Variants in TMEM50A observed in about 807,000 individuals in gnomAD.
TMEM50A encodes transmembrane protein 50A, also known as cervical cancer oncogene 9.
TMEM50A carries 8 observed loss-of-function variants against 23.9 expected under a neutral mutation model. The observed-to-expected ratio is 0.33, with a 90% CI of 0.20 to 0.60. The LOEUF (loss-of-function observed/expected upper bound fraction) is 0.60. Ranked by LOEUF, TMEM50A falls within the 20% of genes least tolerant of loss-of-function variation. TMEM50A has a pLI of 0.81. For synonymous variants in TMEM50A, 55 were observed against 60.4 expected (o/e 0.91, Z 0.41); for missense variants, 178 against 192.7 (o/e 0.92, Z 0.45).
chr1:25,356,874 TTA>T, intron 6 of TMEM50A, 21 bp downstream of exon 6: 2 of 1,550,278 alleles, frequency 1.3e-6, no homozygotes, highest in Non-Finnish European at 1.7e-6. Flanking sequence ...TTTGCATTCT[TTA>T]TGTTTGTTTG....
Position 25,361,704 on chromosome 1 carries a change from T to G in TMEM50A, c.*999T>G, listed in dbSNP as rs997391315. 6.6e-6 allele frequency: 1 copy of G among 152,438 alleles called. No homozygotes were observed. The highest frequency in any genetic ancestry group is 1.5e-5 in the Non-Finnish European group (1 of 68,232). 9.4% of individuals were successfully genotyped at this position (152,438 alleles called of 1,614,324 possible). On this transcript the variant is annotated 3_prime_UTR_variant, in exon 7 of 7. Transcript: ENST00000374358. ...TGTCTTTCATAAAATGTGCTACAAT[T>G]AGCCTTCGGAATATTTGCTGGGTGA...
intron 3 of TMEM50A, among the ~76,000 whole-genome samples, chr1:25,347,006 G>A (rs1027161702): frequency 1.3e-5 from 2 of 152,200 alleles, no homozygotes; most frequent in African/African-American, 4.8e-5. Context: ...GAGACAGAGT[G>A]AGACTCTGTC....
Position 25,362,229 on chromosome 1 carries a change from A to G in TMEM50A, c.*1524A>G, listed in dbSNP as rs975449122. ...TAGCATGCTTTATTAAGCATGAGAA[A>G]GAATCTTAAGAATTGTCAATAAAAT... is the stretch of plus-strand genomic sequence containing the variant. On this transcript the variant is annotated 3_prime_UTR_variant, in exon 7 of 7. Coordinates refer to ENST00000374358, the MANE Select transcript of TMEM50A (RefSeq NM_014313.4). 1.7e-6 allele frequency: 1 copy of G among 579,080 alleles called. No homozygotes were observed. Among genetic ancestry groups the G allele is most frequent in the South Asian group, 2.1e-5 (1 of 47,326 alleles). 35.9% of individuals were successfully genotyped at this position (579,080 alleles called of 1,614,324 possible).
rs192532656 is a variant in TMEM50A at position 25,359,636 on chromosome 1, C to T, written c.429-1024C>T. Among the ~76,000 whole-genome samples the T allele has an allele frequency of 4.0e-4, 61 of 152,318 alleles. No homozygotes were observed. In the East Asian group the frequency reaches 0.011, roughly 27 times the overall value. On this transcript the variant is annotated intron_variant, in intron 6 of 6. Coordinates refer to ENST00000374358, the MANE Select transcript of TMEM50A (RefSeq NM_014313.4). ...GCTTTGTGGGTTGGACAAGCTTGCC[C>T]TGGACTGTAAGCTCTGTGAGGGCAA...
chr1:25,356,911 A>G, intron 6 of TMEM50A, 58 bp downstream of exon 6: 1 of 1,303,430 alleles, frequency 7.7e-7, no homozygotes, highest in Non-Finnish European at 1.1e-6. Context: ...AGCTTCTTTT[A>G]TATCATTTTC....
intron 1 of TMEM50A, among the ~76,000 whole-genome samples, chr1:25,340,091 C>T (rs1645151833): frequency 6.6e-6 from 1 of 152,116 alleles, no homozygotes; most frequent in Admixed American, 6.6e-5. Context: ...CATGCGCCAC[C>T]ACCCCCGGCT....
chr1:25,352,753 A>G (rs1397964732), intron 4 of TMEM50A, 129 bp from the exon 5 acceptor site: 2 of 726,294 alleles, frequency 2.8e-6, no homozygotes, highest in Non-Finnish European at 4.5e-6. Flanking sequence ...CACATCCTTT[A>G]CTGTTCTCAC....
At chr1:25,351,741 G>T in intron 4 of TMEM50A, 48 bp downstream of exon 4, 1 of 1,531,806 alleles carries the variant, frequency 6.5e-7, no homozygotes, top group Non-Finnish European at 8.9e-7. Flanking sequence ...AAATCCTTAA[G>T]ATGAGTATTT....
chr1:25,338,780 C>T (rs560281401), intron 1 of TMEM50A: 3 of 152,138 alleles, frequency 2.0e-5, no homozygotes, highest in African/African-American at 7.2e-5. Context: ...GGAGCGTGAC[C>T]CGGCCAGCTC....
intron 5 of TMEM50A, 96 bp from the exon 6 acceptor site, chr1:25,356,697 C>T: frequency 1.1e-6 from 1 of 899,094 alleles, no homozygotes; most frequent in East Asian, 2.6e-5. Flanking sequence ...TAAGAAAAAT[C>T]AATTCTTCTA....
intron 4 of TMEM50A, 39 bp downstream of exon 4, chr1:25,351,732 A>C (rs1408343190): frequency 1.3e-6 from 2 of 1,554,606 alleles, no homozygotes; most frequent in Admixed American, 3.8e-5. Context: ...TACATGCTTA[A>C]ATCCTTAAGA....
chr1:25,352,786 A>G (rs1479474681), intron 4 of TMEM50A, 96 bp from the exon 5 acceptor site: 1 of 1,013,306 alleles, frequency 9.9e-7, no homozygotes, highest in Non-Finnish European at 1.5e-6. Context: ...TGGCAGTTGC[A>G]CTTTTTTTTT....
chr1:25,342,950 C>G lies in TMEM50A; in HGVS notation c.94-11C>G. 2 of 1,607,156 alleles carry G rather than the reference C, an allele frequency of 1.2e-6. No individual in the cohort carries two copies. The highest frequency in any genetic ancestry group is 1.7e-6 in the Non-Finnish European group (2 of 1,176,494). ...TGCTATGATTTCTCATTGGTATCAC[C>G]TTTGTTTTAGTTTTTTACAGGCTGG... On this transcript the variant is annotated splice_polypyrimidine_tract_variant and intron_variant, in intron 2 of 6. Coordinates refer to ENST00000374358, the MANE Select transcript of TMEM50A (RefSeq NM_014313.4).
chr1:25,351,992 T>A (rs940723982), intron 4 of TMEM50A, among the ~76,000 whole-genome samples: 2 of 152,226 alleles, frequency 1.3e-5, no homozygotes, highest in African/African-American at 4.8e-5. Flanking sequence ...CAAATCTTCA[T>A]AAACATGTTA....
At position 25,340,554 on chromosome 1, in the gene TMEM50A, T is replaced by C. The variant is rs757543587; in HGVS notation, c.68T>C (p.Ile23Thr). 1.2e-5 allele frequency: 19 copies of C among 1,613,404 alleles called. No individual in the cohort carries two copies. The highest frequency in any genetic ancestry group is 1.7e-5 in the Admixed American group (1 of 59,910). ...CIDWGEKRNT[I>T]ASIAAGVLFF... ...GACTGGGGGGAAAAGCGCAATACTA[T>C]TGCTTCCATTGCTGCTGGTGTACTA... The change falls in exon 2 of 7, where the codon ATT becomes ACT. Residue 23 changes from isoleucine (I) to threonine (T), a missense_variant. Physicochemically the swap from Ile to Thr is moderately conservative, Grantham distance 89 (BLOSUM62 -1). Coordinates refer to ENST00000374358, the MANE Select transcript of TMEM50A (RefSeq NM_014313.4).
At chr1:25,359,773 C>T (rs1242189536) in intron 6 of TMEM50A, among the ~76,000 whole-genome samples, 2 of 152,116 alleles carry the variant, frequency 1.3e-5, no homozygotes, top group East Asian at 1.9e-4. Context: ...TTCATCATCC[C>T]GCTAGGTCTT....
At chr1:25,357,560 TGTTGTG>T (rs1436364693) in intron 6 of TMEM50A, among the ~76,000 whole-genome samples, 1 of 146,262 alleles carries the variant, frequency 6.8e-6, no homozygotes, top group Non-Finnish European at 1.5e-5. Context: ...TGTGTGTGTG[TGTTGTG>T]TGTGTGTGTG....
chr1:25,358,672 A>G (rs1280972706), intron 6 of TMEM50A, among the ~76,000 whole-genome samples: 1 of 152,240 alleles, frequency 6.6e-6, no homozygotes, highest in African/African-American at 2.4e-5. Flanking sequence ...TCCTGTAAGC[A>G]GATTGAACCC....
At chr1:25,354,329 A>G (rs183951531) in intron 5 of TMEM50A, among the ~76,000 whole-genome samples, 58 of 152,302 alleles carry the variant, frequency 3.8e-4, no homozygotes, top group African/African-American at 1.3e-3. Context: ...CCAAAATTGT[A>G]GAAAATAAAA....
Sources: gnomAD v4.1 joint callset for allele counts (sites outside exome capture counted in the v4.1 genomes callset) on GRCh38, gnomAD v4.1.1 for gene constraint, MANE v1.5 for transcripts, NCBI Gene and HGNC (gene_info 2026-07-23, HGNC 2026-07-21) for gene names.